CAMK2D: variants seen among roughly 807,000 people sequenced by gnomAD.
CAMK2D encodes calcium/calmodulin-dependent protein kinase type II subunit delta.
A neutral mutation model predicts 84.0 loss-of-function variants in CAMK2D; 37 were observed. That is an observed-to-expected ratio of 0.44 (90% confidence interval 0.34 to 0.58). The LOEUF is 0.58. Ranked by LOEUF, CAMK2D falls within the 20% of genes least tolerant of loss-of-function variation. The pLI is 0.02. For missense variants in CAMK2D, 448 were observed against 652.5 expected (o/e 0.69, Z 3.41); for synonymous variants, 202 against 212.5 (o/e 0.95, Z 0.43).
chr4:113,682,333 T>C (rs2099348325), intron 2 of CAMK2D, among the ~76,000 whole-genome samples: 4 of 152,218 alleles, frequency 2.6e-5, no homozygotes, highest in African/African-American at 2.4e-5. Context: ...TAATTTCTCA[T>C]ATAAATTTAT....
chr4:113,646,377 G>A (rs1221304347), intron 3 of CAMK2D, among the ~76,000 whole-genome samples: 1 of 152,136 alleles, frequency 6.6e-6, no homozygotes, highest in Non-Finnish European at 1.5e-5. Context: ...ACATACTACT[G>A]GGTAGAAAAC....
intron 2 of CAMK2D, among the ~76,000 whole-genome samples, chr4:113,727,512 C>T (rs998771018): frequency 6.6e-6 from 1 of 151,904 alleles, no homozygotes; most frequent in Non-Finnish European, 1.5e-5. Flanking sequence ...ATATTATACA[C>T]AAAAGTAAAT....
chr4:113,480,113 C>T (rs187232637), intron 16 of CAMK2D, among the ~76,000 whole-genome samples: 21 of 152,118 alleles, frequency 1.4e-4, no homozygotes, highest in Non-Finnish European at 2.8e-4. Context: ...AGGTGCATGC[C>T]GCCACACCGG....
chr4:113,723,216 CA>C (rs768065223), intron 2 of CAMK2D, among the ~76,000 whole-genome samples: 14 of 150,550 alleles, frequency 9.3e-5, no homozygotes, highest in Non-Finnish European at 1.6e-4. Flanking sequence ...ATTTCTTTAC[CA>C]AAAATAACTT....
chr4:113,714,004 A>G (rs935547604), intron 2 of CAMK2D, among the ~76,000 whole-genome samples: 3 of 151,926 alleles, frequency 2.0e-5, no homozygotes, highest in Non-Finnish European at 4.4e-5. Context: ...CTTCATTACC[A>G]CTATATCATA....
intron 4 of CAMK2D, among the ~76,000 whole-genome samples, chr4:113,559,421 C>A (rs961617966): frequency 6.6e-6 from 1 of 152,228 alleles, no homozygotes; most frequent in African/African-American, 2.4e-5. Flanking sequence ...ATTTTTTGCT[C>A]ATATTTTGTT....
At chr4:113,743,119 C>A (rs2099596598) in intron 2 of CAMK2D, among the ~76,000 whole-genome samples, 1 of 152,148 alleles carries the variant, frequency 6.6e-6, no homozygotes, top group African/African-American at 2.4e-5. Flanking sequence ...ATAAAATTTT[C>A]TTTTCAATTT....
chr4:113,618,649 T>C (rs1229110018), intron 3 of CAMK2D, among the ~76,000 whole-genome samples: 1 of 152,176 alleles, frequency 6.6e-6, no homozygotes, highest in African/African-American at 2.4e-5. Flanking sequence ...CATTTGCCTC[T>C]ATATATCTAT....
intron 3 of CAMK2D, among the ~76,000 whole-genome samples, chr4:113,648,776 T>C (rs558523975): frequency 2.0e-5 from 3 of 152,296 alleles, no homozygotes; most frequent in South Asian, 2.1e-4. Flanking sequence ...GCCAAATATT[T>C]CCATCCTGAA....
intron 14 of CAMK2D, chr4:113,503,188 A>G: frequency 1.4e-6 from 1 of 725,370 alleles, no homozygotes; most frequent in Non-Finnish European, 2.5e-6. Context: ...CCTACCCAGA[A>G]GCAGCATGCA....
chr4:113,690,644 C>T (rs1313633248), intron 2 of CAMK2D, among the ~76,000 whole-genome samples: 1 of 152,102 alleles, frequency 6.6e-6, no homozygotes, highest in Non-Finnish European at 1.5e-5. Context: ...CTTTTTGCCA[C>T]GTATGATGAT....
intron 4 of CAMK2D, among the ~76,000 whole-genome samples, chr4:113,594,232 G>C (rs141362191): frequency 6.6e-6 from 1 of 152,138 alleles, no homozygotes; most frequent in Non-Finnish European, 1.5e-5. Flanking sequence ...TAAACCATTC[G>C]TGAGAAATCC....
At position 113,513,810 on chromosome 4, in the gene CAMK2D, A is replaced by T. The variant is rs1030159799; in HGVS notation, c.903+20T>A. 3 of 1,234,298 alleles carry T rather than the reference A, an allele frequency of 2.4e-6. No individual in the cohort carries two copies. In the African/African-American group the frequency reaches 4.5e-5, roughly 18 times the overall value. 76.5% of individuals were successfully genotyped at this position (1,234,298 alleles called of 1,614,324 possible). The stretch of plus-strand genomic sequence containing the variant: ...TAGTCTGTCAAATCTACCTCCCCAT[A>T]AAAATGTAAAATTTCTTACCTTTAG... On this transcript the variant is annotated intron_variant, in intron 11 of 20. Transcript: ENST00000511664.
chr4:113,745,753 AT>A (rs2099602825), intron 2 of CAMK2D, among the ~76,000 whole-genome samples: 1 of 152,198 alleles, frequency 6.6e-6, no homozygotes, highest in Non-Finnish European at 1.5e-5. Context: ...AAGATAGAAC[AT>A]TTTTATAGGA....
chr4:113,525,222 A>ATCT (rs1377736778), intron 8 of CAMK2D, among the ~76,000 whole-genome samples: 1 of 152,218 alleles, frequency 6.6e-6, no homozygotes, highest in East Asian at 1.9e-4. Flanking sequence ...ATTATCACTC[A>ATCT]TAACTGTTGA....
intron 7 of CAMK2D, among the ~76,000 whole-genome samples, chr4:113,532,933 T>C (rs1435768616): frequency 6.6e-6 from 1 of 152,066 alleles, no homozygotes; most frequent in Non-Finnish European, 1.5e-5. Flanking sequence ...TCTCCTTAGT[T>C]ACCTACAGTT....
At chr4:113,744,002 G>A (rs1052845911) in intron 2 of CAMK2D, among the ~76,000 whole-genome samples, 4 of 151,720 alleles carry the variant, frequency 2.6e-5, no homozygotes, top group South Asian at 2.1e-4. Flanking sequence ...CACCACACCC[G>A]GCTAAATTTT....
intron 3 of CAMK2D, among the ~76,000 whole-genome samples, chr4:113,616,970 T>C (rs2099023737): frequency 6.6e-6 from 1 of 152,180 alleles, no homozygotes; most frequent in Non-Finnish European, 1.5e-5. Flanking sequence ...TGATACTCAT[T>C]TCAAGAGTAT....
chr4:113,602,140 G>A (rs60228592), intron 4 of CAMK2D, among the ~76,000 whole-genome samples: 3,532 of 151,748 alleles, frequency 0.023, 147 homozygotes, highest in African/African-American at 0.079. Context: ...CTTCTAACTG[G>A]GCTAAGCTAT....
Sources: allele counts gnomAD v4.1 joint callset (sites outside exome capture counted in the v4.1 genomes callset), GRCh38; gene constraint gnomAD v4.1.1; transcripts MANE v1.5; gene names NCBI Gene and HGNC (gene_info 2026-07-23, HGNC 2026-07-21).